SGCE: variants seen among roughly 807,000 people sequenced by gnomAD.
SGCE encodes the protein epsilon-sarcoglycan.
In SGCE, 26 loss-of-function variants were observed where a neutral mutation model predicts 57.8. The observed-to-expected ratio is 0.45, with a 90% CI of 0.33 to 0.62. SGCE has a LOEUF of 0.62. Among genes scored for constraint, SGCE ranks in the 20% least tolerant of loss-of-function variants. SGCE has a pLI of 0.02. For missense variants in SGCE, 468 were observed against 548.6 expected (o/e 0.85, Z 1.47); for synonymous variants, 183 against 189.5 (o/e 0.97, Z 0.28).
chr7:94,600,107 T>C (rs1365508133), intron 7 of SGCE: 12 of 208,540 alleles, frequency 5.8e-5, no homozygotes, highest in South Asian at 4.5e-4. Context: ...TTAATTGACA[T>C]AGATGTCCTG....
At chr7:94,592,564 T>A (rs1157891877) in intron 9 of SGCE, among the ~76,000 whole-genome samples, 1 of 152,220 alleles carries the variant, frequency 6.6e-6, no homozygotes, top group Non-Finnish European at 1.5e-5. Context: ...TTATGTTCAT[T>A]AATTTCATGC....
intron 9 of SGCE, among the ~76,000 whole-genome samples, chr7:94,596,948 G>T (rs1035503763): frequency 2.0e-5 from 3 of 151,972 alleles, no homozygotes; most frequent in African/African-American, 7.2e-5. Flanking sequence ...GAATGATAAA[G>T]CCATTTCATA....
chr7:94,632,688 C>G (rs1360733384), intron 1 of SGCE, among the ~76,000 whole-genome samples: 1 of 152,104 alleles, frequency 6.6e-6, no homozygotes, highest in African/African-American at 2.4e-5. Context: ...GGCACCCACA[C>G]AACATTTTAG....
chr7:94,592,283 C>A (rs773660179), intron 9 of SGCE, among the ~76,000 whole-genome samples: 7 of 152,156 alleles, frequency 4.6e-5, no homozygotes, highest in Admixed American at 6.6e-5. Context: ...TGCCTTCAAT[C>A]CCAACTCTGC....
chr7:94,608,252 G>A (rs1800465964), intron 5 of SGCE, among the ~76,000 whole-genome samples: 1 of 152,152 alleles, frequency 6.6e-6, no homozygotes, highest in Non-Finnish European at 1.5e-5. Flanking sequence ...TGAGCCAGGG[G>A]TTGAACCCAG....
chr7:94,637,046 C>G (rs1238035694), intron 1 of SGCE, among the ~76,000 whole-genome samples: 1 of 145,940 alleles, frequency 6.9e-6, no homozygotes, highest in East Asian at 2.0e-4. Context: ...GCAACAAGAG[C>G]GAAACTCCAT....
intron 4 of SGCE, chr7:94,620,660 A>G (rs1298496371): frequency 6.6e-6 from 1 of 152,246 alleles, no homozygotes; most frequent in Non-Finnish European, 1.5e-5. Context: ...TTTTACATCC[A>G]GTTTTCTTAA....
intron 7 of SGCE, 132 bp from the exon 8 acceptor site, chr7:94,599,855 T>C (rs1798944663): frequency 2.7e-6 from 2 of 729,120 alleles, no homozygotes; most frequent in African/African-American, 3.5e-5. Flanking sequence ...CAGGCAGCAT[T>C]TGCCACCAGG....
rs374251480 is a variant in SGCE at position 94,602,593 on chromosome 7, AAAAC to A, written c.825+693_825+696del. The stretch of plus-strand genomic sequence containing the variant: ...GATACATTAATATGAAAAGAAAAAA[AAAAC>A]AAAGAATTGAAACAACTCTCCTGCT... On this transcript the variant is annotated intron_variant, in intron 6 of 10. Coordinates refer to ENST00000648936, the MANE Select transcript of SGCE (RefSeq NM_003919.3). 1.7e-4 allele frequency among the ~76,000 whole-genome samples: 26 copies of A among 152,284 alleles called. No homozygotes were observed. In the South Asian group the frequency reaches 2.5e-3, roughly 15 times the overall value.
intron 1 of SGCE, among the ~76,000 whole-genome samples, chr7:94,646,696 T>C (rs1212039449): frequency 6.6e-6 from 1 of 152,194 alleles, no homozygotes; most frequent in Non-Finnish European, 1.5e-5. Flanking sequence ...GTATGAGCTA[T>C]TGGGTTAGGG....
chr7:94,646,785 T>C (rs1001650640), intron 1 of SGCE, among the ~76,000 whole-genome samples: 1 of 152,186 alleles, frequency 6.6e-6, no homozygotes, highest in South Asian at 2.1e-4. Flanking sequence ...CTAAGTAACC[T>C]CTAAAAAAGA....
Position 94,600,869 on chromosome 7 carries a change from G to A in SGCE, c.826-12C>T. On this transcript the variant is annotated splice_polypyrimidine_tract_variant and intron_variant, in intron 6 of 10. Coordinates refer to ENST00000648936, the MANE Select transcript of SGCE (RefSeq NM_003919.3). ...TTTGTTTTATCAACCTGATATAAAA[G>A]AAGACAATTACACAACAAATTAATC... 6.3e-7 allele frequency: 1 copy of A among 1,590,686 alleles called. No individual in the cohort carries two copies. Among genetic ancestry groups the A allele is most frequent in the Non-Finnish European group, 8.6e-7 (1 of 1,162,534 alleles).
intron 5 of SGCE, among the ~76,000 whole-genome samples, chr7:94,604,806 A>AATATATATATATATATAT (rs59162734): frequency 2.3e-5 from 1 of 44,410 alleles, no homozygotes; most frequent in Non-Finnish European, 4.2e-5. Context: ...ATGGTGCTGG[A>AATATATATATATATATAT]ATATATATAT....
At chr7:94,610,452 C>G (rs1800836153) in intron 5 of SGCE, among the ~76,000 whole-genome samples, 1 of 152,142 alleles carries the variant, frequency 6.6e-6, no homozygotes, top group African/African-American at 2.4e-5. Flanking sequence ...GATGCAAAAG[C>G]AATCTCTGCA....
intron 2 of SGCE, chr7:94,628,903 A>C (rs1301430814): frequency 6.4e-6 from 1 of 157,002 alleles, no homozygotes; most frequent in Admixed American, 6.3e-5. Flanking sequence ...ATCATTTATT[A>C]GCACATCCTG....
intron 5 of SGCE, among the ~76,000 whole-genome samples, chr7:94,614,106 TCAA>T (rs1451224809): frequency 7.3e-5 from 4 of 55,172 alleles, no homozygotes; most frequent in African/African-American, 8.6e-5. Flanking sequence ...CAAATTGAAA[TCAA>T]AAAAAAAAAA....
At chr7:94,610,374 GTCAGT>G (rs1800824255) in intron 5 of SGCE, among the ~76,000 whole-genome samples, 1 of 152,168 alleles carries the variant, frequency 6.6e-6, no homozygotes, top group African/African-American at 2.4e-5. Flanking sequence ...ATAGTGAGTT[GTCAGT>G]GTAGGTTCAT....
intron 1 of SGCE, among the ~76,000 whole-genome samples, chr7:94,647,484 C>T (rs1000293459): frequency 1.3e-5 from 2 of 152,182 alleles, no homozygotes; most frequent in Non-Finnish European, 2.9e-5. Flanking sequence ...CCCCTCCAAC[C>T]TTTTCCTCAC....
chr7:94,600,713 G>A lies in SGCE; in HGVS notation c.970C>T (p.Pro324Ser). 1 of 1,613,854 alleles carries A rather than the reference G, an allele frequency of 6.2e-7. No individual in the cohort carries two copies. The highest frequency in any genetic ancestry group is 8.5e-7 in the Non-Finnish European group (1 of 1,179,850). ...YTDFLITLAV[P>S]SAVALVLFLI... is the part of the protein sequence containing the mutation. ...AAAAGGACCAGTGCCACTGCCGAGG[G>A]CACAGCCAGTGTAATTAGGAAATCC... Residue 324 changes from proline to serine, a missense_variant, in exon 7 of 11, where the codon CCC becomes TCC. Physicochemically the swap from Pro to Ser is moderately conservative, Grantham distance 74. Coordinates refer to ENST00000648936, the MANE Select transcript of SGCE (RefSeq NM_003919.3).
Sources: allele counts gnomAD v4.1 joint callset (sites outside exome capture counted in the v4.1 genomes callset), GRCh38; gene constraint gnomAD v4.1.1; transcripts MANE v1.5; gene names NCBI Gene and HGNC (gene_info 2026-07-23, HGNC 2026-07-21).